Variants in TRIM69 observed in about 807,000 individuals in gnomAD.
The protein encoded by TRIM69 is E3 ubiquitin-protein ligase TRIM69.
TRIM69 carries 29 observed loss-of-function variants against 37.7 expected under a neutral mutation model. That is an observed-to-expected ratio of 0.77 (90% CI 0.57 to 1.05). The LOEUF is 1.05. TRIM69 is among the 50% of genes least tolerant of loss of function. The pLI is 0.00. For synonymous variants in TRIM69, 209 were observed against 212.4 expected, an observed-to-expected ratio of 0.98 and a Z score of 0.14; for missense variants, 596 against 579.9, an observed-to-expected ratio of 1.03 and a Z score of -0.28.
At chr15:44,753,979 G>A (rs1005321597) in intron 1 of TRIM69, 9 of 152,208 alleles carry the variant, frequency 5.9e-5, no homozygotes, top group African/African-American at 1.9e-4. Context: ...GCACCCCAAA[G>A]TATTGGGATT....
At position 44,750,715 on chromosome 15, in the gene TRIM69, C is replaced by CTTTTTTTTTTTTTTTTTT. The variant is rs869059418; in HGVS notation, c.7-4175_7-4158dup. On this transcript the variant is annotated intron_variant, in intron 1 of 6. Transcript: ENST00000329464. Reference sequence around the variant, plus strand: ...TCGCATTTTTATTTCATTACTTTTTCTTTTTTTTTTTTTTTTTTTTTTTTT... The same window carrying CTTTTTTTTTTTTTTTTTT: ...TCGCATTTTTATTTCATTACTTTTTCTTTTTTTTTTTTTTTTTTTTTTTTTTTTTTTTTTTTTTTTTTT... 3.7e-4 allele frequency among the ~76,000 whole-genome samples: 38 copies of CTTTTTTTTTTTTTTTTTT among 102,838 alleles called. 18 individuals are homozygous for CTTTTTTTTTTTTTTTTTT. The highest frequency in any genetic ancestry group is 1.2e-3 in the South Asian group (4 of 3,214). 67.5% of individuals were successfully genotyped at this position (102,838 alleles called of 152,430 possible).
At chr15:44,766,709 A>T (rs1321252151) in intron 6 of TRIM69, among the ~76,000 whole-genome samples, 1 of 152,038 alleles carries the variant, frequency 6.6e-6, no homozygotes, top group Non-Finnish European at 1.5e-5. Context: ...CCTGATTTTT[A>T]CCCTAAATAT....
At chr15:44,743,085 C>T (rs1015076823) in intron 1 of TRIM69, among the ~76,000 whole-genome samples, 3 of 152,086 alleles carry the variant, frequency 2.0e-5, no homozygotes, top group Non-Finnish European at 2.9e-5. Context: ...CTACAGTAAC[C>T]AAAACAGCAT....
At chr15:44,742,076 C>G (rs879341683) in intron 1 of TRIM69, among the ~76,000 whole-genome samples, 29 of 151,932 alleles carry the variant, frequency 1.9e-4, no homozygotes, top group Non-Finnish European at 3.2e-4. Flanking sequence ...CAATAAAATA[C>G]TGGCAAACTG....
chr15:44,753,888 G>A (rs2087586393), intron 1 of TRIM69: 1 of 151,874 alleles, frequency 6.6e-6, no homozygotes, highest in African/African-American at 2.4e-5. Flanking sequence ...CTAATTTTTT[G>A]TATTTTTAGT....
intron 1 of TRIM69, among the ~76,000 whole-genome samples, chr15:44,750,169 G>A (rs1466151182): frequency 6.6e-6 from 1 of 152,122 alleles, no homozygotes; most frequent in Admixed American, 6.5e-5. Flanking sequence ...TCCATTCTGT[G>A]AGTTGTCTTT....
At chr15:44,743,367 G>T (rs1318399044) in intron 1 of TRIM69, among the ~76,000 whole-genome samples, 1 of 152,140 alleles carries the variant, frequency 6.6e-6, no homozygotes, top group Non-Finnish European at 1.5e-5. Flanking sequence ...AACCCTAGAA[G>T]AAAACCTAGG....
chr15:44,738,459 G>C (rs1452826131), intron 1 of TRIM69, among the ~76,000 whole-genome samples: 1 of 152,108 alleles, frequency 6.6e-6, no homozygotes, highest in Non-Finnish European at 1.5e-5. Context: ...CTCTCTCTCT[G>C]CCTTAAGGTT....
chr15:44,750,294 G>GC (rs1555393757), intron 1 of TRIM69, among the ~76,000 whole-genome samples: 1 of 152,086 alleles, frequency 6.6e-6, no homozygotes, highest in Non-Finnish European at 1.5e-5. Context: ...GTTCCCTCTT[G>GC]TTTTTTTGGA....
Position 44,754,930 on chromosome 15 carries a change from C to A in TRIM69, c.37C>A (p.Pro13Thr), listed in dbSNP as rs773473629. ...VSTNPSSNID[P>T]GDYVEMNDSI... ...CACCAACCCCTCCTCCAACATCGAT[C>A]CAGGCGACTATGTTGAAATGAATGA... The change falls in exon 2 of 7, where the codon CCA (proline) becomes ACA (threonine). Residue 13 changes from proline (P) to threonine (T), a missense_variant. Coordinates refer to ENST00000329464, the MANE Select transcript of TRIM69 (RefSeq NM_182985.5). The A allele has an allele frequency of 4.3e-6, 7 of 1,613,262 alleles. No homozygotes were observed. The highest frequency in any genetic ancestry group is 1.7e-5 in the Admixed American group (1 of 59,958).
At chr15:44,754,668 T>C in intron 1 of TRIM69, 1 of 476,922 alleles carries the variant, frequency 2.1e-6, no homozygotes, top group Non-Finnish European at 3.7e-6. Flanking sequence ...TACATTTCTT[T>C]GATTTAGTAC....
intron 1 of TRIM69, among the ~76,000 whole-genome samples, chr15:44,746,740 A>C (rs1381461992): frequency 9.9e-6 from 1 of 101,072 alleles, no homozygotes; most frequent in Non-Finnish European, 2.1e-5. Flanking sequence ...CACTCCCAGC[A>C]CGTGCACGTG....
chr15:44,744,719 G>A (rs2468064), intron 1 of TRIM69, among the ~76,000 whole-genome samples: 118,190 of 152,054 alleles, frequency 0.78, 46,637 homozygotes, highest in Middle Eastern at 0.85. Context: ...CAGGTACATA[G>A]TACAAGTGGG....
chr15:44,757,813 T>C (rs1333085701), intron 3 of TRIM69: 1 of 152,246 alleles, frequency 6.6e-6, no homozygotes, highest in African/African-American at 2.4e-5. Context: ...GTGTTGGAAT[T>C]ACAGGTATGA....
chr15:44,748,187 A>G (rs139086420), intron 1 of TRIM69, among the ~76,000 whole-genome samples: 6 of 152,276 alleles, frequency 3.9e-5, no homozygotes, highest in African/African-American at 1.4e-4. Context: ...TCTTCTGTCT[A>G]TATTTAAGTT....
chr15:44,756,289 C>T, intron 2 of TRIM69, 79 bp from the exon 3 acceptor site: 1 of 983,112 alleles, frequency 1.0e-6, no homozygotes, highest in Non-Finnish European at 1.6e-6. Context: ...TTCTTGCACA[C>T]TGGGGCCTTG....
chr15:44,759,108 G>A (rs1024702476), intron 4 of TRIM69, among the ~76,000 whole-genome samples: 1 of 152,104 alleles, frequency 6.6e-6, no homozygotes, highest in East Asian at 1.9e-4. Flanking sequence ...ATATAGTAAT[G>A]GTTTAATATT....
Position 44,759,640 on chromosome 15 carries a change from G to T in TRIM69, c.814G>T (p.Asp272Tyr). Residue 272 changes from aspartate to tyrosine, a missense_variant and splice_region_variant, in exon 5 of 7, where the codon GAC becomes TAC. By Grantham distance (160) the Asp-to-Tyr change is radical. Coordinates refer to ENST00000329464, the MANE Select transcript of TRIM69 (RefSeq NM_182985.5). ...TGTCTCTCTTTCTCCTTTCTTCTAG[G>T]ACATCACAACTCTCTTACATAGGTA... Reference protein sequence around the residue: ...EQQNSFDFLKDITTLLHSLEQ... With the variant: ...EQQNSFDFLKYITTLLHSLEQ... The T allele has an allele frequency of 6.2e-7, 1 of 1,613,884 alleles. No individual in the cohort carries two copies.
rs751326023 is a variant in TRIM69, at chr15:44,767,634, C to T, written c.1365C>T (p.Ser455=). The T allele has an allele frequency of 2.5e-6, 4 of 1,614,132 alleles. No homozygotes were observed. Among genetic ancestry groups the T allele is most frequent in the Non-Finnish European group, 3.4e-6 (4 of 1,180,032 alleles). Residue 455 remains serine (S), a synonymous_variant, in exon 7 of 7, where the codon TCC becomes TCT. Transcript: ENST00000329464. ...TGGATTATGAAGGAGGACAGTTGTC[C>T]TTCTACAATGCTAAAACCATGACTC... ...IYLDYEGGQL[S]FYNAKTMTHI...
Sources: allele counts gnomAD v4.1 joint callset (sites outside exome capture counted in the v4.1 genomes callset), GRCh38; gene constraint gnomAD v4.1.1; transcripts MANE v1.5; gene names NCBI Gene and HGNC (gene_info 2026-07-23, HGNC 2026-07-21).